Variants in CTNND2 observed in about 807,000 individuals in gnomAD.
CTNND2 encodes the protein catenin delta 2.
A neutral mutation model predicts 144.4 loss-of-function variants in CTNND2; 22 were observed. That is an observed-to-expected ratio of 0.15 (90% CI 0.11 to 0.22). CTNND2 has a LOEUF of 0.22. Ranked by LOEUF, CTNND2 falls within the 10% of genes least tolerant of loss-of-function variation. The pLI is 1.00. For missense variants in CTNND2, 1,353 were observed against 1,618.8 expected, an observed-to-expected ratio of 0.84 and a Z score of 2.82; for synonymous variants, 751 against 695.6, an observed-to-expected ratio of 1.08 and a Z score of -1.25.
intron 2 of CTNND2, among the ~76,000 whole-genome samples, chr5:11,573,201 G>T (rs189229920): frequency 2.0e-5 from 3 of 152,272 alleles, no homozygotes; most frequent in Non-Finnish European, 4.4e-5. Context: ...AGCAGAATAA[G>T]GTACATGATA....
At chr5:11,152,497 G>T (rs1325049397) in intron 12 of CTNND2, among the ~76,000 whole-genome samples, 3 of 152,094 alleles carry the variant, frequency 2.0e-5, no homozygotes, top group African/African-American at 4.8e-5. Flanking sequence ...TGGTGTTTAC[G>T]GCGTTTCCAT....
At chr5:11,475,993 G>A (rs1767694086) in intron 3 of CTNND2, among the ~76,000 whole-genome samples, 1 of 151,682 alleles carries the variant, frequency 6.6e-6, no homozygotes, top group South Asian at 2.1e-4. Context: ...CTGAGCAGCT[G>A]GGACTACAGG....
At chr5:11,735,957 T>C (rs1370325657) in intron 1 of CTNND2, among the ~76,000 whole-genome samples, 1 of 152,232 alleles carries the variant, frequency 6.6e-6, no homozygotes, top group African/African-American at 2.4e-5. Context: ...TTAATTTTTG[T>C]TTATTTACAT....
chr5:11,611,247 G>A (rs1163316993), intron 2 of CTNND2, among the ~76,000 whole-genome samples: 3 of 152,110 alleles, frequency 2.0e-5, no homozygotes, highest in Admixed American at 6.6e-5. Context: ...CGGAGGCCTC[G>A]TAGCCAAGCT....
chr5:11,126,730 T>G (rs1754717919), intron 12 of CTNND2, among the ~76,000 whole-genome samples: 1 of 152,194 alleles, frequency 6.6e-6, no homozygotes, highest in African/African-American at 2.4e-5. Context: ...AAATATAGGC[T>G]GAAATGGATG....
chr5:11,826,962 T>C (rs1035537953), intron 1 of CTNND2, among the ~76,000 whole-genome samples: 1 of 152,048 alleles, frequency 6.6e-6, no homozygotes, highest in Non-Finnish European at 1.5e-5. Context: ...TACACAACGG[T>C]ATCAATGAAC....
At chr5:11,050,083 T>C (rs1745675739) in intron 16 of CTNND2, among the ~76,000 whole-genome samples, 1 of 152,348 alleles carries the variant, frequency 6.6e-6, no homozygotes, top group Non-Finnish European at 1.5e-5. Context: ...GATACAATTG[T>C]GCATGTATAT....
At chr5:11,226,536 G>A (rs749704007) in intron 10 of CTNND2, among the ~76,000 whole-genome samples, 22 of 152,178 alleles carry the variant, frequency 1.4e-4, no homozygotes, top group Non-Finnish European at 2.6e-4. Context: ...TCACAATCAT[G>A]GCGGAAGATG....
chr5:11,204,019 T>C (rs1384345615), intron 10 of CTNND2, among the ~76,000 whole-genome samples: 4 of 152,206 alleles, frequency 2.6e-5, no homozygotes, highest in Non-Finnish European at 5.9e-5. Flanking sequence ...CTTTGACAAA[T>C]GATTGACCTT....
At chr5:11,897,147 A>G (rs1737458183) in intron 1 of CTNND2, among the ~76,000 whole-genome samples, 1 of 152,202 alleles carries the variant, frequency 6.6e-6, no homozygotes, top group Admixed American at 6.5e-5. Context: ...AGACTGTGTT[A>G]GAGATGAGAG....
intron 1 of CTNND2, among the ~76,000 whole-genome samples, chr5:11,875,239 G>T (rs950228601): frequency 5.3e-5 from 8 of 152,168 alleles, no homozygotes; most frequent in African/African-American, 9.7e-5. Flanking sequence ...ATTATACGTA[G>T]TTCTTCAACT....
chr5:11,086,542 T>C (rs902127161), intron 15 of CTNND2, among the ~76,000 whole-genome samples: 9 of 152,218 alleles, frequency 5.9e-5, no homozygotes, highest in African/African-American at 2.2e-4. Context: ...TTCACATTTC[T>C]TTCCTTTCTA....
intron 1 of CTNND2, among the ~76,000 whole-genome samples, chr5:11,756,333 T>C (rs1473437475): frequency 1.3e-5 from 2 of 151,740 alleles, no homozygotes; most frequent in African/African-American, 2.4e-5. Context: ...TTAGTTGTTA[T>C]GTGAAAAGTC....
intron 2 of CTNND2, among the ~76,000 whole-genome samples, chr5:11,621,817 C>T (rs1462287552): frequency 6.6e-6 from 1 of 152,132 alleles, no homozygotes. Flanking sequence ...TCTAAGCTGT[C>T]TCCTAATGCT....
intron 1 of CTNND2, among the ~76,000 whole-genome samples, chr5:11,791,468 G>T (rs1052994505): frequency 1.3e-5 from 2 of 152,168 alleles, no homozygotes; most frequent in Non-Finnish European, 2.9e-5. Context: ...GAAGGAAATG[G>T]CCGAAAGGGT....
chr5:11,551,253 T>C (rs1266215846), intron 3 of CTNND2, among the ~76,000 whole-genome samples: 1 of 152,136 alleles, frequency 6.6e-6, no homozygotes, highest in Non-Finnish European at 1.5e-5. Flanking sequence ...AGTTTGTCTT[T>C]TGACTGTTCT....
At chr5:11,433,450 A>G (rs1267565347) in intron 3 of CTNND2, among the ~76,000 whole-genome samples, 1 of 152,188 alleles carries the variant, frequency 6.6e-6, no homozygotes, top group Admixed American at 6.5e-5. Flanking sequence ...GCACTGTTAA[A>G]AGGAAATACC....
chr5:11,521,845 T>G (rs965878763), intron 3 of CTNND2, among the ~76,000 whole-genome samples: 1 of 152,184 alleles, frequency 6.6e-6, no homozygotes, highest in Non-Finnish European at 1.5e-5. Context: ...CATAGAGAGC[T>G]TTGCATTCTA....
chr5:11,595,176 G>T (rs1779442129), intron 2 of CTNND2, among the ~76,000 whole-genome samples: 1 of 152,148 alleles, frequency 6.6e-6, no homozygotes, highest in Non-Finnish European at 1.5e-5. Context: ...GATTGCAGGA[G>T]GTGGTAAGGA....
Sources: gnomAD v4.1 joint callset for allele counts (sites outside exome capture counted in the v4.1 genomes callset) on GRCh38, gnomAD v4.1.1 for gene constraint, MANE v1.5 for transcripts, NCBI Gene and HGNC (gene_info 2026-07-23, HGNC 2026-07-21) for gene names.